The following ARHGAP26 variants were observed in gnomAD, a reference collection of about 807,000 sequenced individuals.
ARHGAP26 encodes rho GTPase-activating protein 26.
Under a neutral mutation model 104.8 loss-of-function variants are expected in ARHGAP26, and 38 were observed. The observed-to-expected ratio is 0.36, with a 90% CI of 0.28 to 0.48. The LOEUF is 0.48. Among genes scored for constraint, ARHGAP26 ranks in the 20% least tolerant of loss-of-function variants. ARHGAP26 has a pLI of 0.99. For missense variants in ARHGAP26, 704 were observed against 947.9 expected, an observed-to-expected ratio of 0.74 and a Z score of 3.38; for synonymous variants, 341 against 340.0, an observed-to-expected ratio of 1.00 and a Z score of -0.03.
At chr5:143,077,284 CAGGCCAAGAAT>C (rs1789175839) in intron 17 of ARHGAP26, among the ~76,000 whole-genome samples, 1 of 152,092 alleles carries the variant, frequency 6.6e-6, no homozygotes, top group Admixed American at 6.5e-5. Context: ...AATTGTGTTC[CAGGCCAAGAAT>C]TGGAACAGCT....
At chr5:143,006,797 C>G (rs1351859951) in intron 11 of ARHGAP26, among the ~76,000 whole-genome samples, 1 of 152,204 alleles carries the variant, frequency 6.6e-6, no homozygotes, top group African/African-American at 2.4e-5. Flanking sequence ...TCAAACAATT[C>G]CTTCCCAAAA....
chr5:143,216,263 A>G (rs1810339338), intron 22 of ARHGAP26: 1 of 470,968 alleles, frequency 2.1e-6, no homozygotes, highest in Admixed American at 2.4e-5. Context: ...TCACCTGGGC[A>G]CTTCCACTGG....
At chr5:142,998,191 T>C (rs1318350166) in intron 11 of ARHGAP26, among the ~76,000 whole-genome samples, 2 of 152,210 alleles carry the variant, frequency 1.3e-5, no homozygotes, top group Admixed American at 1.3e-4. Context: ...ATAGATTTCA[T>C]ATTTATATTT....
intron 20 of ARHGAP26, among the ~76,000 whole-genome samples, chr5:143,160,843 A>G (rs1801140449): frequency 1.3e-5 from 2 of 152,096 alleles, no homozygotes; most frequent in Admixed American, 6.6e-5. Context: ...TCAATGGCCA[A>G]ATGGCTCCCT....
intron 5 of ARHGAP26, among the ~76,000 whole-genome samples, chr5:142,889,502 C>A (rs1210919522): frequency 6.6e-6 from 1 of 152,142 alleles, no homozygotes; most frequent in East Asian, 1.9e-4. Flanking sequence ...CCTGTAATCC[C>A]AGCTACTTGG....
chr5:142,892,883 T>G (rs1465489146), intron 5 of ARHGAP26, among the ~76,000 whole-genome samples: 1 of 152,138 alleles, frequency 6.6e-6, no homozygotes, highest in Non-Finnish European at 1.5e-5. Context: ...GCCATAGTCA[T>G]CCTACTGTGT....
intron 11 of ARHGAP26, among the ~76,000 whole-genome samples, chr5:142,968,173 C>T (rs76628414): frequency 0.012 from 1,806 of 152,104 alleles, 27 homozygotes; most frequent in African/African-American, 0.029. Context: ...TGAGGTAGGT[C>T]GTATTTCCCT....
intron 20 of ARHGAP26, among the ~76,000 whole-genome samples, chr5:143,151,419 T>C (rs1192146031): frequency 6.6e-6 from 1 of 152,212 alleles, no homozygotes; most frequent in East Asian, 1.9e-4. Context: ...TCATGTTCTT[T>C]GGTATTTACC....
At chr5:142,898,735 T>TAGTAAAA in intron 6 of ARHGAP26, among the ~76,000 whole-genome samples, 1 of 152,206 alleles carries the variant, frequency 6.6e-6, no homozygotes, top group Non-Finnish European at 1.5e-5. Flanking sequence ...AAACCACTGT[T>TAGTAAAA]ATCCTCTTGT....
chr5:143,080,616 G>C (rs1789662393), intron 17 of ARHGAP26, among the ~76,000 whole-genome samples: 1 of 152,228 alleles, frequency 6.6e-6, no homozygotes, highest in African/African-American at 2.4e-5. Flanking sequence ...GAAACACCCT[G>C]GGCGTGGTCA....
chr5:143,063,142 C>T (rs992183678), intron 17 of ARHGAP26, among the ~76,000 whole-genome samples: 6 of 152,224 alleles, frequency 3.9e-5, no homozygotes, highest in African/African-American at 1.4e-4. Context: ...CACGCAGCCA[C>T]ATTGACCCCA....
At chr5:142,901,900 G>A (rs369334849) in intron 6 of ARHGAP26, 35 bp from the exon 7 acceptor site, 4 of 1,574,858 alleles carry the variant, frequency 2.5e-6, no homozygotes, top group Non-Finnish European at 3.5e-6. Context: ...TTTCAACCTG[G>A]TTATGTGACC....
intron 1 of ARHGAP26, among the ~76,000 whole-genome samples, chr5:142,776,377 C>T (rs957823697): frequency 1.3e-5 from 2 of 152,346 alleles, no homozygotes; most frequent in East Asian, 1.9e-4. Context: ...GAAAAGCTTT[C>T]TCATGCTCAT....
chr5:143,160,019 T>G (rs1170742292), intron 20 of ARHGAP26, among the ~76,000 whole-genome samples: 1 of 152,098 alleles, frequency 6.6e-6, no homozygotes, highest in East Asian at 1.9e-4. Context: ...TCATTCATTC[T>G]CTTAAAGCTT....
In ARHGAP26 at chr5:142,902,087, A is replaced by C. The variant is rs770537891; in HGVS notation, c.702+48A>C. On this transcript the variant is annotated intron_variant, in intron 7 of 22. Coordinates refer to ENST00000645722, the MANE Select transcript of ARHGAP26 (RefSeq NM_001135608.3). ...TTCTTTTATCTGGTTAAGGAAAAAC[A>C]AAATATGGGCCTGATTGCCCTAGAA... The C allele has an allele frequency of 4.4e-5, 67 of 1,525,284 alleles. No individual in the cohort carries two copies. In the African/African-American group the frequency reaches 8.7e-4, roughly 20 times the overall value. The allele number at this position is 1,525,284 out of a possible 1,614,324, so 94.5% of individuals were successfully genotyped here. A position where few individuals can be genotyped will look rare whatever the true frequency, so the allele number is the denominator to read the frequency against.
At chr5:142,876,749 C>T (rs1467688087) in intron 3 of ARHGAP26, among the ~76,000 whole-genome samples, 1 of 137,656 alleles carries the variant, frequency 7.3e-6, no homozygotes, top group Non-Finnish European at 1.5e-5. Context: ...TGCACTCCAG[C>T]CTGGGCAACA....
intron 12 of ARHGAP26, among the ~76,000 whole-genome samples, chr5:143,024,508 A>G (rs1780763205): frequency 6.6e-6 from 1 of 152,132 alleles, no homozygotes. Flanking sequence ...CCCTGGCTAC[A>G]TCTTTAACCC....
At position 143,057,597 on chromosome 5, in the gene ARHGAP26, T is replaced by C. The variant is rs144973531; in HGVS notation, c.1433-45T>C. The C allele has an allele frequency of 1.3e-5, 20 of 1,518,818 alleles. 1 individual carries two copies. In the East Asian group the frequency reaches 3.6e-4, roughly 27 times the overall value. The allele number at this position is 1,518,818 out of a possible 1,614,324, so 94.1% of individuals were successfully genotyped here. Reference sequence around the variant, plus strand: ...TTAATTTTTCAACCTTAAAGTTGTTTAGCTGTGACACTGATAAGATATTAC... The same window carrying C: ...TTAATTTTTCAACCTTAAAGTTGTTCAGCTGTGACACTGATAAGATATTAC... On this transcript the variant is annotated intron_variant, in intron 16 of 22. Coordinates refer to ENST00000645722, the MANE Select transcript of ARHGAP26 (RefSeq NM_001135608.3).
chr5:142,777,255 C>T (rs1756510254), intron 1 of ARHGAP26, among the ~76,000 whole-genome samples: 1 of 152,180 alleles, frequency 6.6e-6, no homozygotes, highest in South Asian at 2.1e-4. Context: ...GGAAGTGGTT[C>T]TTATGAGGCT....
Sources: allele counts gnomAD v4.1 joint callset (sites outside exome capture counted in the v4.1 genomes callset), GRCh38; gene constraint gnomAD v4.1.1; transcripts MANE v1.5; gene names NCBI Gene and HGNC (gene_info 2026-07-23, HGNC 2026-07-21).